The following AGO2 variants were observed in gnomAD, a reference collection of about 807,000 sequenced individuals.
AGO2 encodes the protein protein argonaute-2.
A neutral mutation model predicts 102.3 loss-of-function variants in AGO2; 5 were observed. The ratio of observed to expected loss-of-function variants is 0.05; its 90% confidence interval spans 0.03 to 0.10. AGO2 has a LOEUF of 0.10. Ranked by LOEUF, AGO2 falls within the 10% of genes least tolerant of loss-of-function variation. The probability of loss-of-function intolerance (pLI) is 1.00; values close to 1 mark genes in which losing one functional copy is unlikely to be tolerated. For synonymous variants in AGO2, 449 were observed against 473.1 expected (o/e 0.95, Z 0.66); for missense variants, 541 against 1,183.7 (o/e 0.46, Z 7.97).
At chr8:140,559,024 C>G (rs967271577) in intron 6 of AGO2, among the ~76,000 whole-genome samples, 1 of 152,156 alleles carries the variant, frequency 6.6e-6, no homozygotes, top group East Asian at 1.9e-4. Context: ...AGCAGGCTGA[C>G]TGGGTACAGA....
intron 3 of AGO2, among the ~76,000 whole-genome samples, chr8:140,564,023 C>A (rs556542541): frequency 1.2e-3 from 181 of 152,146 alleles, no homozygotes; most frequent in African/African-American, 4.2e-3. Flanking sequence ...GCCCACGAGC[C>A]CTCAGAGCAC....
intron 14 of AGO2, among the ~76,000 whole-genome samples, chr8:140,542,990 A>G (rs1378611063): frequency 6.6e-6 from 1 of 152,166 alleles, no homozygotes; most frequent in East Asian, 1.9e-4. Context: ...TACAAAATTT[A>G]GCCAGCCATG....
At chr8:140,541,568 A>C (rs1316179043) in intron 14 of AGO2, 1 of 504,196 alleles carries the variant, frequency 2.0e-6, no homozygotes, top group Non-Finnish European at 3.5e-6. Context: ...CTGAAGTACA[A>C]AAGTTTGCCA....
At chr8:140,576,541 C>T (rs1316236735) in intron 2 of AGO2, among the ~76,000 whole-genome samples, 2 of 152,136 alleles carry the variant, frequency 1.3e-5, no homozygotes, top group Non-Finnish European at 2.9e-5. Flanking sequence ...GGGTGTTCAT[C>T]ACTCGGCTTT....
At chr8:140,632,206 T>C (rs149730340) in intron 1 of AGO2, among the ~76,000 whole-genome samples, 1 of 152,378 alleles carries the variant, frequency 6.6e-6, no homozygotes, top group East Asian at 1.9e-4. Flanking sequence ...CGTTTACATC[T>C]TTTTTTCCTA....
chr8:140,600,209 T>C (rs2073911903), intron 1 of AGO2, among the ~76,000 whole-genome samples: 1 of 152,272 alleles, frequency 6.6e-6, no homozygotes, highest in Non-Finnish European at 1.5e-5. Flanking sequence ...AGATGTCATT[T>C]ACAAACAACA....
chr8:140,558,668 G>C, intron 6 of AGO2, 96 bp from the exon 7 acceptor site: 1 of 1,367,702 alleles, frequency 7.3e-7, no homozygotes, highest in African/African-American at 1.4e-5. Flanking sequence ...ATGTGGCTGG[G>C]GACCCAAGTT....
At chr8:140,627,984 G>A (rs1430583898) in intron 1 of AGO2, among the ~76,000 whole-genome samples, 4 of 152,160 alleles carry the variant, frequency 2.6e-5, no homozygotes, top group Non-Finnish European at 5.9e-5. Context: ...CCACTCCCAG[G>A]AGGATGCTCC....
intron 14 of AGO2, among the ~76,000 whole-genome samples, 167 bp downstream of exon 14, chr8:140,544,046 G>A (rs1332771309): frequency 6.6e-6 from 1 of 152,168 alleles, no homozygotes; most frequent in Admixed American, 6.5e-5. Context: ...TCATTCTAGT[G>A]TCCCCTCCAG....
upstream of AGO2, among the ~76,000 whole-genome samples, chr8:140,639,863 G>T (rs928333618): frequency 6.6e-6 from 1 of 152,204 alleles, no homozygotes; most frequent in African/African-American, 2.4e-5. Context: ...CCCTTTGCAG[G>T]ATAGGGTGGA....
At chr8:140,542,739 TC>T (rs1393867026) in intron 14 of AGO2, among the ~76,000 whole-genome samples, 1 of 152,190 alleles carries the variant, frequency 6.6e-6, no homozygotes, top group Non-Finnish European at 1.5e-5. Context: ...TGCAGGACCC[TC>T]GGGGGGTCCC....
chr8:140,612,923 G>C (rs904022577), intron 1 of AGO2, among the ~76,000 whole-genome samples: 1 of 151,944 alleles, frequency 6.6e-6, no homozygotes, highest in African/African-American at 2.4e-5. Context: ...TCCCTGGCCA[G>C]GCATGGTGGC....
the AGO2 span, among the ~76,000 whole-genome samples, chr8:140,642,177 G>A: frequency 6.6e-6 from 1 of 152,212 alleles, no homozygotes; most frequent in Non-Finnish European, 1.5e-5. Context: ...ACAATGGAGG[G>A]AGACAGCATA....
At chr8:140,559,055 G>A (rs957400654) in intron 6 of AGO2, among the ~76,000 whole-genome samples, 1 of 152,154 alleles carries the variant, frequency 6.6e-6, no homozygotes, top group Non-Finnish European at 1.5e-5. Context: ...GCTGTGTAAG[G>A]ATTAAATGAA....
rs763585877 is a variant in AGO2 at position 140,547,593 on chromosome 8, C to A, written c.1623G>T (p.Gly541=). ...EVKRVGDTVL[G]MATQCVQMKN... is the part of the protein sequence containing the mutation. ...TCATCTGCACGCACTGCGTGGCCAT[C>A]CCCAGCACCGTGTCTCCCACGCGCT... The change falls in exon 13 of 19, where the codon GGG becomes GGT. Residue 541 remains glycine, a synonymous_variant. Coordinates refer to ENST00000220592, the MANE Select transcript of AGO2 (RefSeq NM_012154.5). 1 of 1,613,954 alleles carries A rather than the reference C, an allele frequency of 6.2e-7. No individual in the cohort carries two copies. The highest frequency in any genetic ancestry group is 1.7e-5 in the Admixed American group (1 of 60,002).
At chr8:140,585,488 G>T (rs2073642321) in intron 1 of AGO2, among the ~76,000 whole-genome samples, 177 bp from the exon 2 acceptor site, 1 of 152,186 alleles carries the variant, frequency 6.6e-6, no homozygotes, top group South Asian at 2.1e-4. Context: ...TACTTAAAAT[G>T]TATCATAACA....
intron 1 of AGO2, among the ~76,000 whole-genome samples, chr8:140,607,345 G>C (rs1180834058): frequency 2.0e-5 from 3 of 151,614 alleles, no homozygotes; most frequent in African/African-American, 7.3e-5. Flanking sequence ...AGGACTGCCT[G>C]AATCCAAGAA....
intron 4 of AGO2, among the ~76,000 whole-genome samples, chr8:140,561,314 A>G (rs2132943675): frequency 6.6e-6 from 1 of 152,166 alleles, no homozygotes; most frequent in East Asian, 1.9e-4. Flanking sequence ...AATCACCTAC[A>G]CGGCCCTTTC....
chr8:140,569,905 C>T (rs2073350415), intron 3 of AGO2, among the ~76,000 whole-genome samples: 2 of 152,190 alleles, frequency 1.3e-5, no homozygotes. Context: ...TGGACCAGAG[C>T]CGCCAGAGTC....
Sources: gnomAD v4.1 joint callset for allele counts (sites outside exome capture counted in the v4.1 genomes callset) on GRCh38, gnomAD v4.1.1 for gene constraint, MANE v1.5 for transcripts, NCBI Gene and HGNC (gene_info 2026-07-23, HGNC 2026-07-21) for gene names.